The following VPS54 variants were observed in gnomAD, a reference collection of about 807,000 sequenced individuals.
VPS54 encodes vacuolar protein sorting-associated protein 54.
A neutral mutation model predicts 121.5 loss-of-function variants in VPS54; 45 were observed. The observed-to-expected ratio is 0.37, with a 90% CI of 0.29 to 0.47. The LOEUF (loss-of-function observed/expected upper bound fraction) is 0.47, where lower values mean the gene tolerates loss of function less well. Ranked by LOEUF, VPS54 falls within the 20% of genes least tolerant of loss-of-function variation. VPS54 has a pLI of 0.99. For synonymous variants in VPS54, 371 were observed against 385.8 expected, an observed-to-expected ratio of 0.96 and a Z score of 0.45; for missense variants, 1,090 against 1,131.4, an observed-to-expected ratio of 0.96 and a Z score of 0.52.
rs70965149 is a variant in VPS54, at chr2:63,900,220, CAAAAAA to C, written c.2626-645_2626-640del. Among the ~76,000 whole-genome samples the C allele has an allele frequency of 2.4e-4, 15 of 63,386 alleles. No homozygotes were observed. In the South Asian group the frequency reaches 0.011, roughly 46 times the overall value. 41.6% of individuals were successfully genotyped at this position (63,386 alleles called of 152,430 possible). On this transcript the variant is annotated intron_variant, in intron 20 of 22. Coordinates refer to ENST00000272322, the MANE Select transcript of VPS54 (RefSeq NM_016516.3). ...GGGCGACAAGAGTGAAACTCTGTCT[CAAAAAA>C]AAAAAAAAAAAAAAAAAAGAATGTG...
intron 22 of VPS54, among the ~76,000 whole-genome samples, chr2:63,896,097 T>C (rs991208925): frequency 6.6e-6 from 1 of 152,226 alleles, no homozygotes; most frequent in Non-Finnish European, 1.5e-5. Flanking sequence ...GCAGGTCTCT[T>C]ATGTATGTAC....
chr2:63,906,854 A>G (rs1672924924), intron 20 of VPS54, among the ~76,000 whole-genome samples: 1 of 152,368 alleles, frequency 6.6e-6, no homozygotes, highest in South Asian at 2.1e-4. Context: ...ATAAGCTGAT[A>G]TAAAATTTTA....
Position 63,893,082 on chromosome 2 carries a change from G to A in VPS54, c.*348C>T, listed in dbSNP as rs532562019. On this transcript the variant is annotated 3_prime_UTR_variant, in exon 23 of 23. Transcript: ENST00000272322. ...TTCATTGCACTGGAAGAAATGCAAA[G>A]CATTTTTTAATATAAAGTATACAGA... 4.8e-6 allele frequency: 1 copy of A among 210,446 alleles called. No homozygotes were observed. Among genetic ancestry groups the A allele is most frequent in the Admixed American group, 5.5e-5 (1 of 18,302 alleles). The allele number at this position is 210,446 out of a possible 1,614,324, so 13.0% of individuals were successfully genotyped here. A position where few individuals can be genotyped will look rare whatever the true frequency, so the allele number is the denominator to read the frequency against.
At chr2:64,016,587 A>G (rs1678704876) in intron 1 of VPS54, among the ~76,000 whole-genome samples, 1 of 149,464 alleles carries the variant, frequency 6.7e-6, no homozygotes, top group Non-Finnish European at 1.5e-5. Context: ...CAATTATTTA[A>G]TCTAAAAACC....
intron 7 of VPS54, among the ~76,000 whole-genome samples, chr2:63,954,861 C>T (rs1675420697): frequency 6.6e-6 from 1 of 151,800 alleles, no homozygotes; most frequent in South Asian, 2.1e-4. Flanking sequence ...CCAGTTTCTT[C>T]GATTAGTATT....
At chr2:63,908,405 G>T (rs1235720662) in intron 20 of VPS54, among the ~76,000 whole-genome samples, 1 of 152,218 alleles carries the variant, frequency 6.6e-6, no homozygotes, top group Non-Finnish European at 1.5e-5. Context: ...TTCAGAGGCT[G>T]AGTATGGGGA....
chr2:63,918,953 T>C (rs1480682603), intron 15 of VPS54, among the ~76,000 whole-genome samples: 2 of 152,054 alleles, frequency 1.3e-5, no homozygotes, highest in Non-Finnish European at 2.9e-5. Flanking sequence ...ATGGTTACTG[T>C]TGGTGTTTTA....
intron 22 of VPS54, among the ~76,000 whole-genome samples, chr2:63,895,611 C>T (rs1672414339): frequency 6.6e-6 from 1 of 152,160 alleles, no homozygotes; most frequent in Non-Finnish European, 1.5e-5. Context: ...CTGAATTGTT[C>T]ACTTTAAAAT....
Position 63,962,271 on chromosome 2 carries a change from AT to A in VPS54, c.796del (p.Met266CysfsTer9). 1.2e-6 allele frequency: 2 copies of A among 1,614,054 alleles called. No homozygotes were observed. Among genetic ancestry groups the A allele is most frequent in the Non-Finnish European group, 1.7e-6 (2 of 1,179,930 alleles). On this transcript the variant is annotated frameshift_variant, in exon 7 of 23. Transcript: ENST00000272322. LOFTEE classifies it high-confidence loss of function. ...RDKIAQIDKV[M>X]CEGSLHILRL... ...TAAAATGTGGAGTGATCCTTCACAC[AT>A]TACTTTATCAATCTGTGCAATTTTA... is the stretch of plus-strand genomic sequence containing the variant.
intron 4 of VPS54, among the ~76,000 whole-genome samples, chr2:63,970,624 C>T (rs532861224): frequency 1.2e-4 from 19 of 152,236 alleles, no homozygotes; most frequent in African/African-American, 1.7e-4. Flanking sequence ...TGATCTATCC[C>T]GAACTATTCT....
intron 1 of VPS54, among the ~76,000 whole-genome samples, chr2:63,984,802 G>C (rs76729044): frequency 0.028 from 4,309 of 152,146 alleles, 198 homozygotes; most frequent in African/African-American, 0.099. Context: ...CAGGCTACAG[G>C]GTCAGGTAAG....
intron 5 of VPS54, among the ~76,000 whole-genome samples, chr2:63,967,036 ATTAT>A (rs1031467094): frequency 3.3e-5 from 5 of 152,196 alleles, no homozygotes; most frequent in African/African-American, 1.2e-4. Context: ...CTTTATAGAA[ATTAT>A]TTATTTAGTA....
intron 11 of VPS54, among the ~76,000 whole-genome samples, chr2:63,937,623 C>T (rs570057646): frequency 6.6e-6 from 1 of 152,156 alleles, no homozygotes; most frequent in East Asian, 1.9e-4. Context: ...CCGTATGATC[C>T]AGAAATTCCA....
chr2:63,972,016 G>T, intron 4 of VPS54, 150 bp downstream of exon 4: 1 of 424,170 alleles, frequency 2.4e-6, no homozygotes. Flanking sequence ...TCTCTTAGAA[G>T]TTCTTAGAAA....
At chr2:63,903,424 T>A (rs898418623) in intron 20 of VPS54, among the ~76,000 whole-genome samples, 1 of 152,170 alleles carries the variant, frequency 6.6e-6, no homozygotes, top group Non-Finnish European at 1.5e-5. Context: ...CAGTATGGTA[T>A]CGGATGGATC....
At position 63,918,866 on chromosome 2, in the gene VPS54, T is replaced by G. The variant is rs187717119; in HGVS notation, c.2164+1017A>C. On this transcript the variant is annotated intron_variant, in intron 15 of 22. Transcript: ENST00000272322. Reference sequence around the variant, plus strand: ...TGTCTACCCTTCCTCACTTTTCCAGTTACTAAGCACTGAACTGCAATTTGA... The same window carrying G: ...TGTCTACCCTTCCTCACTTTTCCAGGTACTAAGCACTGAACTGCAATTTGA... Among the ~76,000 whole-genome samples, 314 of 152,120 alleles carry G rather than the reference T, an allele frequency of 2.1e-3. 1 individual carries two copies. Among genetic ancestry groups the G allele is most frequent in the Non-Finnish European group, 3.4e-3 (232 of 67,882 alleles).
intron 12 of VPS54, among the ~76,000 whole-genome samples, chr2:63,926,098 G>A (rs1287923720): frequency 6.6e-6 from 1 of 152,200 alleles, no homozygotes; most frequent in African/African-American, 2.4e-5. Flanking sequence ...GCAAAACAAA[G>A]TAAGCAAGGT....
At chr2:63,942,670 A>G in intron 10 of VPS54, 109 bp from the exon 11 acceptor site, 2 of 862,984 alleles carry the variant, frequency 2.3e-6, no homozygotes, top group South Asian at 1.8e-5. Context: ...ATAAAATGCA[A>G]TTTCATCTAG....
chr2:63,988,425 C>G (rs958666971), intron 1 of VPS54, among the ~76,000 whole-genome samples: 2 of 152,094 alleles, frequency 1.3e-5, no homozygotes, highest in African/African-American at 4.8e-5. Context: ...AGATTTTTTG[C>G]ATCAATAGTC....
Sources: gnomAD v4.1 joint callset for allele counts (sites outside exome capture counted in the v4.1 genomes callset) on GRCh38, gnomAD v4.1.1 for gene constraint, MANE v1.5 for transcripts, NCBI Gene and HGNC (gene_info 2026-07-23, HGNC 2026-07-21) for gene names.